ATF1: variants seen among roughly 807,000 people sequenced by gnomAD.
ATF1 encodes the protein cyclic AMP-dependent transcription factor ATF-1.
Under a neutral mutation model 34.7 loss-of-function variants are expected in ATF1, and 16 were observed. The ratio of observed to expected loss-of-function variants is 0.46; its 90% CI spans 0.31 to 0.70. ATF1 has a LOEUF of 0.70. Among genes scored for constraint, ATF1 ranks in the 30% least tolerant of loss-of-function variants. The pLI is 0.05. For synonymous variants in ATF1, 105 were observed against 113.1 expected (o/e 0.93, Z 0.46); for missense variants, 255 against 321.6 (o/e 0.79, Z 1.58).
At chr12:50,789,623 T>C (rs1043596501) in intron 2 of ATF1, among the ~76,000 whole-genome samples, 2 of 151,926 alleles carry the variant, frequency 1.3e-5, no homozygotes, top group Non-Finnish European at 2.9e-5. Flanking sequence ...CCGGAAGTAG[T>C]GGGCGCCTGT....
intron 3 of ATF1, among the ~76,000 whole-genome samples, chr12:50,803,326 A>G (rs1469132969): frequency 1.3e-5 from 2 of 152,074 alleles, no homozygotes; most frequent in East Asian, 3.8e-4. Flanking sequence ...TAAACAAATG[A>G]CTAATAAACC....
At chr12:50,792,331 TAAG>T (rs968242551) in intron 2 of ATF1, among the ~76,000 whole-genome samples, 2 of 152,254 alleles carry the variant, frequency 1.3e-5, no homozygotes, top group African/African-American at 4.8e-5. Flanking sequence ...TTTCCAGTGT[TAAG>T]AACTCAGCTA....
intron 3 of ATF1, among the ~76,000 whole-genome samples, chr12:50,800,972 G>T (rs932917455): frequency 1.3e-5 from 2 of 151,978 alleles, no homozygotes; most frequent in Non-Finnish European, 2.9e-5. Flanking sequence ...ATGGTGGCAG[G>T]CGCCTGTAAT....
At position 50,786,399 on chromosome 12, in the gene ATF1, T is replaced by A. The variant is rs1298549277; in HGVS notation, c.93+6161T>A. On this transcript the variant is annotated intron_variant, in intron 2 of 6. Transcript: ENST00000262053. The stretch of plus-strand genomic sequence containing the variant: ...AATTAATGAATTGCTAAAGTCCAAG[T>A]GTAGGCAAGCGTGAGCGTATAGAAT... Among the ~76,000 whole-genome samples, 3 of 151,996 alleles carry A rather than the reference T, an allele frequency of 2.0e-5. No homozygotes were observed. In the South Asian group the frequency reaches 6.2e-4, roughly 31 times the overall value.
chr12:50,818,463 A>T (rs973223802), intron 6 of ATF1, among the ~76,000 whole-genome samples: 16 of 152,250 alleles, frequency 1.1e-4, no homozygotes, highest in Non-Finnish European at 2.4e-4. Context: ...CTTAAAACAA[A>T]CAAACAAACA....
intron 1 of ATF1, among the ~76,000 whole-genome samples, chr12:50,770,176 G>T (rs1455544667): frequency 2.0e-5 from 3 of 152,162 alleles, no homozygotes; most frequent in Non-Finnish European, 4.4e-5. Context: ...CTTAACTTAT[G>T]GCAATGTAAT....
Position 50,765,348 on chromosome 12 carries a change from T to C in ATF1, c.-7+1041T>C, listed in dbSNP as rs190406550. On this transcript the variant is annotated intron_variant, in intron 1 of 6. Transcript: ENST00000262053. ...TCCGTGTCTTAATTAGAATCAATACTGTTGCCCTAAAGTCGAATGTATTAG... is the reference window on the plus strand; with the variant it reads ...TCCGTGTCTTAATTAGAATCAATACCGTTGCCCTAAAGTCGAATGTATTAG... 7.9e-5 allele frequency among the ~76,000 whole-genome samples: 12 copies of C among 152,336 alleles called. 1 individual carries two copies. The highest frequency in any genetic ancestry group is 7.8e-4 in the Admixed American group (12 of 15,308).
chr12:50,809,962 T>C (rs996986395), intron 4 of ATF1, among the ~76,000 whole-genome samples: 165 of 151,942 alleles, frequency 1.1e-3, no homozygotes, highest in African/African-American at 3.9e-3. Context: ...GCCTCCGGAG[T>C]AGCTGGGATT....
intron 3 of ATF1, among the ~76,000 whole-genome samples, chr12:50,808,475 C>T (rs111838640): frequency 1.2e-4 from 18 of 151,642 alleles, no homozygotes; most frequent in African/African-American, 4.4e-4. Flanking sequence ...ATTACAGGCT[C>T]GCACCACCAT....
At chr12:50,806,103 ATT>A (rs1941610663) in intron 3 of ATF1, among the ~76,000 whole-genome samples, 1 of 151,280 alleles carries the variant, frequency 6.6e-6, no homozygotes, top group Non-Finnish European at 1.5e-5. Flanking sequence ...TTGAGCCGAG[ATT>A]GCACCACTGA....
At chr12:50,773,442 T>C (rs1251439952) in intron 1 of ATF1, among the ~76,000 whole-genome samples, 1 of 107,082 alleles carries the variant, frequency 9.3e-6, no homozygotes, top group Non-Finnish European at 2.0e-5. Context: ...TTAATTGCCA[T>C]TCTTTTTTTT....
At chr12:50,808,221 A>G (rs896533648) in intron 3 of ATF1, among the ~76,000 whole-genome samples, 1 of 151,690 alleles carries the variant, frequency 6.6e-6, no homozygotes, top group Admixed American at 6.6e-5. Flanking sequence ...GATCATATTT[A>G]CCTCTTTTTG....
At chr12:50,765,197 G>T (rs550715202) in intron 1 of ATF1, among the ~76,000 whole-genome samples, 125 of 152,278 alleles carry the variant, frequency 8.2e-4, no homozygotes, top group Middle Eastern at 6.8e-3. Flanking sequence ...TGTCAAACTG[G>T]CCTCACCTGT....
intron 3 of ATF1, among the ~76,000 whole-genome samples, chr12:50,797,119 A>T (rs190539191): frequency 6.6e-6 from 1 of 152,354 alleles, no homozygotes; most frequent in Admixed American, 6.5e-5. Flanking sequence ...TTAAGATAGA[A>T]CACAGAATGA....
upstream of ATF1, chr12:50,763,672 G>A (rs1314037232): frequency 6.9e-6 from 1 of 145,380 alleles, no homozygotes; most frequent in South Asian, 2.2e-4. Flanking sequence ...AGCTGAGGAA[G>A]TCAAAGCCTT....
intron 3 of ATF1, among the ~76,000 whole-genome samples, chr12:50,798,752 A>C (rs899661866): frequency 6.6e-6 from 1 of 152,252 alleles, no homozygotes; most frequent in African/African-American, 2.4e-5. Context: ...TCAAACGTGC[A>C]AGGACATAAA....
rs1018637163 is a variant in ATF1 at position 50,821,124 on chromosome 12, A to C, written c.*1345A>C. 1.7e-5 allele frequency: 3 copies of C among 176,644 alleles called. No individual in the cohort carries two copies. Among genetic ancestry groups the C allele is most frequent in the Non-Finnish European group, 3.7e-5 (3 of 82,050 alleles). The allele number at this position is 176,644 out of a possible 1,614,324, so 10.9% of individuals were successfully genotyped here. A position where few individuals can be genotyped will look rare whatever the true frequency, so the allele number is the denominator to read the frequency against. On this transcript the variant is annotated 3_prime_UTR_variant, in exon 7 of 7. Coordinates refer to ENST00000262053, the MANE Select transcript of ATF1 (RefSeq NM_005171.5). ...GAAATTAAAGGACATTTGATAGTCT[A>C]CTGAATGTAAAATATAATGCTTGGT...
chr12:50,814,401 C>T lies in ATF1; in HGVS notation c.633C>T (p.Asp211=), dbSNP rs1294576471. 2.5e-6 allele frequency: 4 copies of T among 1,613,942 alleles called. No homozygotes were observed. The highest frequency in any genetic ancestry group is 2.7e-5 in the African/African-American group (2 of 74,868). ...TLTSQTTKTD[D]PQLKREIRLM... ...CCTCTCAGACAACTAAGACAGATGACCCCCAATTGAAAAGAGAAATAAGGT... is the reference window on the plus strand; with the variant it reads ...CCTCTCAGACAACTAAGACAGATGATCCCCAATTGAAAAGAGAAATAAGGT... Residue 211 remains aspartate, a synonymous_variant, in exon 6 of 7, where the codon GAC becomes GAT. Coordinates refer to ENST00000262053, the MANE Select transcript of ATF1 (RefSeq NM_005171.5).
rs201978199 is a variant in ATF1, at chr12:50,769,568, T to C, written c.-7+5261T>C. Among the ~76,000 whole-genome samples, 11 of 152,328 alleles carry C rather than the reference T, an allele frequency of 7.2e-5. No homozygotes were observed. The East Asian group carries it at 1.5e-3, about 21-fold the overall frequency. On this transcript the variant is annotated intron_variant, in intron 1 of 6. Transcript: ENST00000262053. The stretch of plus-strand genomic sequence containing the variant: ...AATGTCAAATGGTGTTTTGCTTTCT[T>C]TGGATTATATTTACATAACTGTATT...
Sources: gnomAD v4.1 joint callset for allele counts (sites outside exome capture counted in the v4.1 genomes callset) on GRCh38, gnomAD v4.1.1 for gene constraint, MANE v1.5 for transcripts, NCBI Gene and HGNC (gene_info 2026-07-23, HGNC 2026-07-21) for gene names.